The following MECOM variants were observed in gnomAD, a reference collection of about 807,000 sequenced individuals.
MECOM encodes the protein MDS1 and EVI1 complex locus, also known as histone-lysine N-methyltransferase MECOM.
A neutral mutation model predicts 116.3 loss-of-function variants in MECOM; 13 were observed. The observed-to-expected ratio is 0.11, with a 90% CI of 0.07 to 0.18. The LOEUF (loss-of-function observed/expected upper bound fraction) is 0.18, where lower values mean the gene tolerates loss of function less well. Among genes scored for constraint, MECOM ranks in the 10% least tolerant of loss-of-function variants. The pLI is 1.00. For missense variants in MECOM, 1,299 were observed against 1,509.0 expected, an observed-to-expected ratio of 0.86 and a Z score of 2.31; for synonymous variants, 528 against 535.2, an observed-to-expected ratio of 0.99 and a Z score of 0.19.
At chr3:169,442,973 T>C (rs976238137) in intron 1 of MECOM, among the ~76,000 whole-genome samples, 2 of 152,172 alleles carry the variant, frequency 1.3e-5, no homozygotes, top group African/African-American at 4.8e-5. Context: ...TAACATTCAG[T>C]AGGTGCTCAG....
At chr3:169,120,270 G>A (rs1412087544) in intron 7 of MECOM, among the ~76,000 whole-genome samples, 3 of 152,186 alleles carry the variant, frequency 2.0e-5, no homozygotes, top group Non-Finnish European at 4.4e-5. Flanking sequence ...CTTATAAAAT[G>A]TTTGAGCACA....
intron 2 of MECOM, among the ~76,000 whole-genome samples, chr3:169,167,507 T>C (rs1346992889): frequency 6.6e-6 from 1 of 152,128 alleles, no homozygotes; most frequent in Non-Finnish European, 1.5e-5. Flanking sequence ...TTATCTACCA[T>C]GCGGTTCTAC....
chr3:169,546,430 G>A (rs552788132), intron 1 of MECOM, among the ~76,000 whole-genome samples: 2 of 152,332 alleles, frequency 1.3e-5, no homozygotes, highest in South Asian at 4.1e-4. Flanking sequence ...TAGAAAAAGA[G>A]AAAAGTTAAA....
At chr3:169,457,988 C>A (rs1376154300) in intron 1 of MECOM, among the ~76,000 whole-genome samples, 3 of 152,224 alleles carry the variant, frequency 2.0e-5, no homozygotes, top group Non-Finnish European at 1.5e-5. Context: ...AAATCCCAAG[C>A]TGCGCAATGG....
At chr3:169,130,431 AGG>A (rs1734285635) in intron 4 of MECOM, among the ~76,000 whole-genome samples, 1 of 152,126 alleles carries the variant, frequency 6.6e-6, no homozygotes, top group Non-Finnish European at 1.5e-5. Flanking sequence ...AGTTGCTAAG[AGG>A]AAAATGAGTA....
chr3:169,514,816 G>A (rs747491707), intron 1 of MECOM, among the ~76,000 whole-genome samples: 9 of 152,032 alleles, frequency 5.9e-5, no homozygotes, highest in Admixed American at 6.6e-5. Flanking sequence ...TATGTGTCAC[G>A]CTTTAAAACA....
chr3:169,170,043 C>T (rs1325562551), intron 2 of MECOM, among the ~76,000 whole-genome samples: 1 of 152,056 alleles, frequency 6.6e-6, no homozygotes, highest in Admixed American at 6.6e-5. Flanking sequence ...TTTGATCAAA[C>T]CACTCTATTT....
In MECOM at chr3:169,199,549, G is replaced by T. The variant is rs546531092; in HGVS notation, c.376-55717C>A. On this transcript the variant is annotated intron_variant, in intron 2 of 16. Coordinates refer to ENST00000651503, the MANE Select transcript of MECOM (RefSeq NM_004991.4). Reference sequence around the variant, plus strand: ...CTGCCTAAGCCTCTTGAAGTGCTGGGATTACAGGTGTGAGGCACAAAACCT... The same window carrying T: ...CTGCCTAAGCCTCTTGAAGTGCTGGTATTACAGGTGTGAGGCACAAAACCT... Among the ~76,000 whole-genome samples the T allele has an allele frequency of 6.6e-5, 10 of 152,092 alleles. No individual in the cohort carries two copies. In the South Asian group the frequency reaches 2.1e-3, roughly 32 times the overall value.
intron 1 of MECOM, among the ~76,000 whole-genome samples, chr3:169,490,816 G>A (rs991043442): frequency 6.6e-6 from 1 of 152,072 alleles, no homozygotes; most frequent in Non-Finnish European, 1.5e-5. Flanking sequence ...TAGTAGATAT[G>A]CAAAATGTTA....
intron 1 of MECOM, among the ~76,000 whole-genome samples, chr3:169,491,627 A>G (rs1753103426): frequency 6.6e-6 from 1 of 152,192 alleles, no homozygotes; most frequent in African/African-American, 2.4e-5. Flanking sequence ...AGAGGAAACC[A>G]TATCCCAATG....
intron 2 of MECOM, among the ~76,000 whole-genome samples, chr3:169,212,006 T>A (rs999775637): frequency 3.9e-5 from 6 of 152,036 alleles, no homozygotes; most frequent in African/African-American, 1.4e-4. Context: ...AACATCTGAG[T>A]GTTATTCTTG....
At chr3:169,522,573 A>T (rs1211209393) in intron 1 of MECOM, among the ~76,000 whole-genome samples, 1 of 152,188 alleles carries the variant, frequency 6.6e-6, no homozygotes, top group Non-Finnish European at 1.5e-5. Context: ...ATCTCTCTAG[A>T]CCCACTCAGC....
intron 1 of MECOM, among the ~76,000 whole-genome samples, chr3:169,595,353 T>C (rs968969453): frequency 3.9e-5 from 6 of 152,202 alleles, no homozygotes; most frequent in African/African-American, 1.4e-4. Flanking sequence ...CTATGCTTCA[T>C]AAATCTTAAT....
At chr3:169,363,147 A>AT (rs1317124542) in intron 2 of MECOM, among the ~76,000 whole-genome samples, 3 of 151,716 alleles carry the variant, frequency 2.0e-5, no homozygotes, top group Admixed American at 6.6e-5. Context: ...TCTATTAGCC[A>AT]TTTTTTTCCC....
chr3:169,341,667 G>A (rs1391515020), intron 2 of MECOM, among the ~76,000 whole-genome samples: 10 of 151,182 alleles, frequency 6.6e-5, no homozygotes, highest in Non-Finnish European at 1.3e-4. Flanking sequence ...TTGAACCTGG[G>A]AGGCGGAGGT....
intron 2 of MECOM, among the ~76,000 whole-genome samples, chr3:169,197,060 G>A (rs1748499079): frequency 6.6e-6 from 1 of 151,898 alleles, no homozygotes; most frequent in African/African-American, 2.4e-5. Context: ...AACTAATGCA[G>A]GAACAGAAAA....
At chr3:169,291,812 C>A (rs1228725781) in intron 2 of MECOM, among the ~76,000 whole-genome samples, 2 of 152,172 alleles carry the variant, frequency 1.3e-5, no homozygotes, top group Non-Finnish European at 2.9e-5. Flanking sequence ...TGTTTCACAT[C>A]AGTATTTGAT....
At chr3:169,653,504 T>G (rs1482674838) in intron 1 of MECOM, among the ~76,000 whole-genome samples, 1 of 152,194 alleles carries the variant, frequency 6.6e-6, no homozygotes, top group Non-Finnish European at 1.5e-5. Flanking sequence ...GGAGTTCAAA[T>G]GAAATCTTAG....
intron 2 of MECOM, among the ~76,000 whole-genome samples, chr3:169,293,276 C>T (rs967052487): frequency 3.3e-5 from 5 of 152,172 alleles, no homozygotes; most frequent in Non-Finnish European, 5.9e-5. Context: ...GTCTATTCAC[C>T]ACACAGCCGT....
Sources: gnomAD v4.1 joint callset for allele counts (sites outside exome capture counted in the v4.1 genomes callset) on GRCh38, gnomAD v4.1.1 for gene constraint, MANE v1.5 for transcripts, NCBI Gene and HGNC (gene_info 2026-07-23, HGNC 2026-07-21) for gene names.